Variants in VASN observed in about 807,000 individuals in gnomAD.
VASN encodes the protein protein slit-like 2.
In VASN, 5 loss-of-function variants were observed where a neutral mutation model predicts 4.8. The observed-to-expected ratio is 1.03, with a 90% CI of 0.54 to 2.17. The LOEUF (loss-of-function observed/expected upper bound fraction) is 2.17. VASN is among the 30% of genes most tolerant of loss of function. The pLI is 0.01. For missense variants in VASN, 927 were observed against 948.8 expected (o/e 0.98, Z 0.30); for synonymous variants, 499 against 460.8 (o/e 1.08, Z -1.06).
chr16:4,376,089 C>A (rs1391941954), intron 1 of VASN, among the ~76,000 whole-genome samples: 2 of 152,170 alleles, frequency 1.3e-5, no homozygotes, highest in Admixed American at 6.5e-5. Flanking sequence ...GGGGTCCCCG[C>A]GCCTATAGGG....
chr16:4,380,890 G>C lies in VASN; in HGVS notation c.13G>C (p.Val5Leu). The C allele has an allele frequency of 6.5e-7, 1 of 1,539,430 alleles. No homozygotes were observed. The highest frequency in any genetic ancestry group is 8.7e-7 in the Non-Finnish European group (1 of 1,149,760). The stretch of plus-strand genomic sequence containing the variant: ...CCAGGGACAGAAGATGTGCTCCAGG[G>C]TCCCTCTGCTGCTGCCGCTGCTCCT... MCSR[V>L]PLLLPLLLLL... Residue 5 changes from valine to leucine, a missense_variant, in exon 2 of 2, where the codon GTC becomes CTC. Physicochemically the swap from Val to Leu is conservative, Grantham distance 32 (BLOSUM62 1). Coordinates refer to ENST00000304735, the MANE Select transcript of VASN (RefSeq NM_138440.3).
In VASN at chr16:4,381,168, G is replaced by C. The variant is rs753718258; in HGVS notation, c.291G>C (p.Gln97His). ...CCAGCCTGCCCAGCGGGGTCTTCCA[G>C]CCACTCGCCAACCTCAGCAACCTGG... is the stretch of plus-strand genomic sequence containing the variant. ...QIASLPSGVFQPLANLSNLDL... is the reference protein window; with the variant it reads ...QIASLPSGVFHPLANLSNLDL... Residue 97 changes from glutamine (Q) to histidine (H), a missense_variant, in exon 2 of 2, where the codon CAG becomes CAC. Coordinates refer to ENST00000304735, the MANE Select transcript of VASN (RefSeq NM_138440.3). 1.1e-5 allele frequency: 17 copies of C among 1,611,578 alleles called. No homozygotes were observed. In the East Asian group the frequency reaches 3.3e-4, roughly 32 times the overall value.
chr16:4,383,056 C>T lies in VASN; in HGVS notation c.*157C>T, dbSNP rs145570618. On this transcript the variant is annotated 3_prime_UTR_variant, in exon 2 of 2. Transcript: ENST00000304735. ...GCTGGGCCCTGTTCCCTCTGGACCT[C>T]GGTCTCCTCATCTGTGAGATGCTGT... The T allele has an allele frequency of 3.5e-5, 28 of 801,332 alleles. No individual in the cohort carries two copies. Among genetic ancestry groups the T allele is most frequent in the East Asian group, 1.2e-4 (4 of 33,496 alleles). The allele number at this position is 801,332 out of a possible 1,614,324, so 49.6% of individuals were successfully genotyped here. A position where few individuals can be genotyped will look rare whatever the true frequency, so the allele number is the denominator to read the frequency against.
At chr16:4,373,700 A>G (rs1287820467) in intron 1 of VASN, among the ~76,000 whole-genome samples, 21 of 152,170 alleles carry the variant, frequency 1.4e-4, no homozygotes, top group Non-Finnish European at 2.9e-5. Flanking sequence ...TCCCAAGTAC[A>G]GAAAATTAAG....
At chr16:4,375,053 C>T (rs1424676781) in intron 1 of VASN, among the ~76,000 whole-genome samples, 6 of 152,108 alleles carry the variant, frequency 3.9e-5, no homozygotes, top group Non-Finnish European at 1.5e-5. Flanking sequence ...GGGCTGCAGC[C>T]ACTGCACAGC....
rs1359175776 is a variant in VASN at position 4,371,859 on chromosome 16, CCGAGCCCGGGGCGGGTGGACGCGGA to C, written c.-142_-118del. On this transcript the variant is annotated 5_prime_UTR_variant, in exon 1 of 2. Coordinates refer to ENST00000304735, the MANE Select transcript of VASN (RefSeq NM_138440.3). ...GCCTCCAGCGAGCCGACTCCGGAGC[CCGAGCCCGGGGCGGGTGGACGCGGA>C]CTCGAACGCAGTTGCTTCGGGACCC... 1 of 152,168 alleles carries C rather than the reference CCGAGCCCGGGGCGGGTGGACGCGGA, an allele frequency of 6.6e-6. No individual in the cohort carries two copies. The highest frequency in any genetic ancestry group is 1.5e-5 in the Non-Finnish European group (1 of 68,016). The allele number at this position is 152,168 out of a possible 1,614,324, so 9.4% of individuals were successfully genotyped here.
In VASN at chr16:4,383,108, C is replaced by A. The variant is rs1305736781; in HGVS notation, c.*209C>A. 6 of 581,200 alleles carry A rather than the reference C, an allele frequency of 1.0e-5. No individual in the cohort carries two copies. The East Asian group carries it at 1.9e-4, about 18-fold the overall frequency. 36.0% of individuals were successfully genotyped at this position (581,200 alleles called of 1,614,324 possible). On this transcript the variant is annotated 3_prime_UTR_variant, in exon 2 of 2. Transcript: ENST00000304735. ...GCCCAGCTGACGAGCCCTAACGTCC[C>A]CAGAACCGAGTGCCTATGAGGACAG...
Position 4,381,390 on chromosome 16 carries a change from G to C in VASN, c.513G>C (p.Leu171=), listed in dbSNP as rs1416762878. 3.8e-6 allele frequency: 6 copies of C among 1,578,572 alleles called. No homozygotes were observed. Among genetic ancestry groups the C allele is most frequent in the Non-Finnish European group, 5.2e-6 (6 of 1,162,756 alleles). ...RALPPLRLPR[L]LLLDLSHNSL... is the part of the protein sequence containing the mutation. ...TGCCCCCGCTGCGCCTGCCCCGCCTGCTGCTGCTGGACCTCAGCCACAACA... is the reference window on the plus strand; with the variant it reads ...TGCCCCCGCTGCGCCTGCCCCGCCTCCTGCTGCTGGACCTCAGCCACAACA... Residue 171 remains leucine, a synonymous_variant, in exon 2 of 2, where the codon CTG becomes CTC. Coordinates refer to ENST00000304735, the MANE Select transcript of VASN (RefSeq NM_138440.3).
chr16:4,374,465 G>A (rs1234047587), intron 1 of VASN, among the ~76,000 whole-genome samples: 3 of 152,136 alleles, frequency 2.0e-5, no homozygotes, highest in African/African-American at 7.2e-5. Flanking sequence ...CAGACTCTTC[G>A]TGGGGAATGC....
intron 1 of VASN, among the ~76,000 whole-genome samples, chr16:4,374,906 G>C (rs1290337652): frequency 6.6e-6 from 1 of 152,112 alleles, no homozygotes; most frequent in Non-Finnish European, 1.5e-5. Flanking sequence ...TTAATTGCAG[G>C]TTAGGGCCTT....
intron 1 of VASN, among the ~76,000 whole-genome samples, chr16:4,373,127 G>C (rs949214574): frequency 6.6e-6 from 1 of 152,156 alleles, no homozygotes; most frequent in African/African-American, 2.4e-5. Flanking sequence ...AAACCCAACA[G>C]AGCTGGGGCA....
intron 1 of VASN, among the ~76,000 whole-genome samples, chr16:4,376,481 T>A (rs951451573): frequency 1.3e-5 from 2 of 152,166 alleles, no homozygotes; most frequent in African/African-American, 4.8e-5. Flanking sequence ...AGGGGCGTAC[T>A]GGCCTCAGAC....
rs1457629638 is a variant in VASN at position 4,381,441 on chromosome 16, C to T, written c.564C>T (p.Ile188=). ...HNSLLALEPG[I]LDTANVEALR... Reference sequence around the variant, plus strand: ...GCCTCCTGGCCCTGGAGCCCGGCATCCTGGACACTGCCAACGTGGAGGCGC... The same window carrying T: ...GCCTCCTGGCCCTGGAGCCCGGCATTCTGGACACTGCCAACGTGGAGGCGC... Residue 188 remains isoleucine (I), a synonymous_variant, in exon 2 of 2, where the codon ATC becomes ATT. Coordinates refer to ENST00000304735, the MANE Select transcript of VASN (RefSeq NM_138440.3). 2 of 1,580,484 alleles carry T rather than the reference C, an allele frequency of 1.3e-6. No individual in the cohort carries two copies. The highest frequency in any genetic ancestry group is 1.7e-6 in the Non-Finnish European group (2 of 1,165,098).
intron 1 of VASN, 48 bp from the exon 2 acceptor site, chr16:4,380,821 A>T: frequency 7.0e-7 from 1 of 1,426,170 alleles, no homozygotes; most frequent in South Asian, 1.5e-5. Flanking sequence ...TCTGCCTTCT[A>T]GGCCCCTGAC....
intron 1 of VASN, among the ~76,000 whole-genome samples, chr16:4,372,706 C>A (rs1329451853): frequency 6.6e-6 from 1 of 152,148 alleles, no homozygotes; most frequent in Non-Finnish European, 1.5e-5. Flanking sequence ...CTGCTGAGGT[C>A]CCCTGTGGTC....
At chr16:4,380,026 C>A (rs185143000) in intron 1 of VASN, among the ~76,000 whole-genome samples, 1 of 151,420 alleles carries the variant, frequency 6.6e-6, no homozygotes, top group African/African-American at 2.4e-5. Flanking sequence ...CCACTGCACT[C>A]CAGCTTGGGT....
intron 1 of VASN, among the ~76,000 whole-genome samples, chr16:4,376,338 G>A (rs1226118850): frequency 2.6e-5 from 4 of 152,192 alleles, no homozygotes; most frequent in Admixed American, 1.3e-4. Flanking sequence ...GCAGACTCCC[G>A]GGGCTGGGCT....
intron 1 of VASN, among the ~76,000 whole-genome samples, chr16:4,378,465 C>G (rs1052528639): frequency 2.0e-5 from 3 of 152,098 alleles, no homozygotes; most frequent in African/African-American, 7.2e-5. Flanking sequence ...CCTCACCCCC[C>G]ATATGGACAT....
chr16:4,372,671 G>A (rs185688189), intron 1 of VASN, among the ~76,000 whole-genome samples: 1 of 152,320 alleles, frequency 6.6e-6, no homozygotes, highest in African/African-American at 2.4e-5. Context: ...TGTGTCCCTG[G>A]GCTGGCAGTG....
Sources: allele counts gnomAD v4.1 joint callset (sites outside exome capture counted in the v4.1 genomes callset), GRCh38; gene constraint gnomAD v4.1.1; transcripts MANE v1.5; gene names NCBI Gene and HGNC (gene_info 2026-07-23, HGNC 2026-07-21).